Variants in MAGI2 observed in about 807,000 individuals in gnomAD.
The protein encoded by MAGI2 is membrane associated guanylate kinase, WW and PDZ domain containing 2, also known as membrane-associated guanylate kinase, WW and PDZ domain-containing protein 2.
A neutral mutation model predicts 133.3 loss-of-function variants in MAGI2; 35 were observed. The ratio of observed to expected loss-of-function variants is 0.26; its 90% CI spans 0.20 to 0.35. MAGI2 has a LOEUF of 0.35. MAGI2 is among the 10% of genes least tolerant of loss of function. The pLI is 1.00. For missense variants in MAGI2, 1,636 were observed against 1,863.4 expected (o/e 0.88, Z 2.25); for synonymous variants, 729 against 710.6 (o/e 1.03, Z -0.41).
At chr7:78,694,381 G>T (rs559962089) in intron 2 of MAGI2, among the ~76,000 whole-genome samples, 3 of 152,066 alleles carry the variant, frequency 2.0e-5, no homozygotes, top group Non-Finnish European at 4.4e-5. Flanking sequence ...CAGTAGCATC[G>T]CTCTCATGAG....
chr7:79,022,340 T>A (rs1332921242), intron 1 of MAGI2, among the ~76,000 whole-genome samples: 1 of 151,578 alleles, frequency 6.6e-6, no homozygotes. Flanking sequence ...GAGAAAAAAA[T>A]ACCACATACC....
chr7:79,293,656 A>G (rs2129558999), intron 1 of MAGI2, among the ~76,000 whole-genome samples: 1 of 152,328 alleles, frequency 6.6e-6, no homozygotes, highest in African/African-American at 2.4e-5. Context: ...CTTCCACTTG[A>G]CAGATGAAAA....
intron 2 of MAGI2, among the ~76,000 whole-genome samples, chr7:78,700,993 T>C (rs909391915): frequency 1.7e-4 from 26 of 150,562 alleles, no homozygotes; most frequent in African/African-American, 6.3e-4. Context: ...ATAAATAAAA[T>C]ATTAAATTTT....
At chr7:78,118,286 ATTTGGCAATGAC>A (rs1305112849) in intron 20 of MAGI2, among the ~76,000 whole-genome samples, 1 of 152,208 alleles carries the variant, frequency 6.6e-6, no homozygotes, top group African/African-American at 2.4e-5. Context: ...AAGACCTTGG[ATTTGGCAATGAC>A]TTTTTAGATA....
At chr7:78,540,894 G>T (rs1049767777) in intron 3 of MAGI2, among the ~76,000 whole-genome samples, 1 of 152,212 alleles carries the variant, frequency 6.6e-6, no homozygotes, top group African/African-American at 2.4e-5. Context: ...CGAGATGTGT[G>T]TTTGGAGGCA....
chr7:79,178,537 C>T (rs1217547970), intron 1 of MAGI2, among the ~76,000 whole-genome samples: 2 of 151,772 alleles, frequency 1.3e-5, no homozygotes, highest in African/African-American at 2.4e-5. Flanking sequence ...TATGGTGAAA[C>T]CCCGCCTCTA....
At chr7:79,077,583 A>AT (rs1426203219) in intron 1 of MAGI2, among the ~76,000 whole-genome samples, 2 of 134,668 alleles carry the variant, frequency 1.5e-5, no homozygotes, top group Non-Finnish European at 3.2e-5. Context: ...TCAAAAAAAA[A>AT]AAAAAAAAAA....
chr7:78,459,972 A>G (rs1280166251), intron 6 of MAGI2, among the ~76,000 whole-genome samples: 1 of 152,342 alleles, frequency 6.6e-6, no homozygotes, highest in East Asian at 1.9e-4. Flanking sequence ...ATGAATGGAC[A>G]TCTGTTGGGC....
chr7:79,045,886 G>C (rs11979667), intron 1 of MAGI2, among the ~76,000 whole-genome samples: 408 of 152,252 alleles, frequency 2.7e-3, no homozygotes, highest in African/African-American at 9.1e-3. Flanking sequence ...CTCTGGACTT[G>C]ATTACGGTGT....
At chr7:78,437,791 TAAGA>T (rs144997890) in intron 6 of MAGI2, among the ~76,000 whole-genome samples, 4,517 of 152,298 alleles carry the variant, frequency 0.03, 91 homozygotes, top group Non-Finnish European at 0.045. Context: ...ACTGTGAAGT[TAAGA>T]AAGGGGCACT....
At chr7:78,150,544 C>T (rs1412939028) in intron 16 of MAGI2, among the ~76,000 whole-genome samples, 2 of 152,194 alleles carry the variant, frequency 1.3e-5, no homozygotes, top group African/African-American at 4.8e-5. Context: ...GGTAGAGGAT[C>T]ATCCTGTACA....
intron 1 of MAGI2, among the ~76,000 whole-genome samples, chr7:79,352,452 T>A (rs1841755075): frequency 6.6e-6 from 1 of 152,158 alleles, no homozygotes; most frequent in African/African-American, 2.4e-5. Context: ...GGTAGGAAGG[T>A]CTCTTAGAGG....
rs544911394 is a variant in MAGI2, at chr7:78,377,437, C to A, written c.1046-8224G>T. On this transcript the variant is annotated intron_variant, in intron 6 of 21. Coordinates refer to ENST00000354212, the MANE Select transcript of MAGI2 (RefSeq NM_012301.4). ...TTCTAGCAAACCTGCTTGATTAGAA[C>A]ACAAGTATGAAGAATTGAAAGAAAG... is the stretch of plus-strand genomic sequence containing the variant. Among the ~76,000 whole-genome samples the A allele has an allele frequency of 2.6e-5, 4 of 151,866 alleles. No individual in the cohort carries two copies. In the South Asian group the frequency reaches 8.3e-4, roughly 31 times the overall value.
At chr7:79,369,321 C>A (rs1158800771) in intron 1 of MAGI2, among the ~76,000 whole-genome samples, 2 of 152,262 alleles carry the variant, frequency 1.3e-5, no homozygotes, top group East Asian at 3.9e-4. Flanking sequence ...GTTCTGCAGG[C>A]AAGTCTTTCT....
intron 1 of MAGI2, among the ~76,000 whole-genome samples, chr7:79,104,052 T>A (rs1818231011): frequency 1.3e-5 from 2 of 152,176 alleles, no homozygotes; most frequent in South Asian, 4.1e-4. Flanking sequence ...TTTGTTATAG[T>A]TCATCAAGCT....
At chr7:78,760,066 A>G (rs1399753756) in intron 2 of MAGI2, among the ~76,000 whole-genome samples, 1 of 152,212 alleles carries the variant, frequency 6.6e-6, no homozygotes, top group Non-Finnish European at 1.5e-5. Context: ...CAGCGAGCCA[A>G]GATCATGCCA....
chr7:78,878,960 T>C (rs773984776), intron 2 of MAGI2, among the ~76,000 whole-genome samples: 2 of 152,202 alleles, frequency 1.3e-5, no homozygotes, highest in Non-Finnish European at 2.9e-5. Context: ...CTGATTCACC[T>C]CATTCTTCCT....
intron 1 of MAGI2, among the ~76,000 whole-genome samples, chr7:79,182,884 T>A (rs1203928669): frequency 6.6e-6 from 1 of 151,824 alleles, no homozygotes; most frequent in Non-Finnish European, 1.5e-5. Context: ...ATGAATGAAA[T>A]CATGTCATTT....
chr7:79,161,750 A>T (rs1426512030), intron 1 of MAGI2, among the ~76,000 whole-genome samples: 1 of 152,108 alleles, frequency 6.6e-6, no homozygotes, highest in Non-Finnish European at 1.5e-5. Flanking sequence ...TGGGTGAAGT[A>T]TGTTTTTATA....
Sources: allele counts gnomAD v4.1 joint callset (sites outside exome capture counted in the v4.1 genomes callset), GRCh38; gene constraint gnomAD v4.1.1; transcripts MANE v1.5; gene names NCBI Gene and HGNC (gene_info 2026-07-23, HGNC 2026-07-21).